CUTC: variants seen among roughly 807,000 people sequenced by gnomAD.
CUTC encodes the protein cutC copper transporter.
A neutral mutation model predicts 36.2 loss-of-function variants in CUTC; 27 were observed. That is an observed-to-expected ratio of 0.75 (90% CI 0.55 to 1.03). The LOEUF (loss-of-function observed/expected upper bound fraction) is 1.03, where lower values mean the gene tolerates loss of function less well. Among genes scored for constraint, CUTC ranks in the 50% least tolerant of loss-of-function variants. The pLI is 0.00. For synonymous variants in CUTC, 114 were observed against 118.3 expected, an observed-to-expected ratio of 0.96 and a Z score of 0.24; for missense variants, 315 against 343.5, an observed-to-expected ratio of 0.92 and a Z score of 0.66.
Position 99,732,390 on chromosome 10 carries a change from G to A in CUTC, c.42G>A (p.Arg14=). Residue 14 remains arginine, a synonymous_variant, in exon 1 of 9, where the codon CGG becomes CGA. Transcript: ENST00000370476. ...CCTCCTCTGAGCGAAAACGAGCGCGGATACCGTCCGGGAAGGCCGGTGCGG... is the reference window on the plus strand; with the variant it reads ...CCTCCTCTGAGCGAAAACGAGCGCGAATACCGTCCGGGAAGGCCGGTGCGG... The part of the protein sequence containing the change: ...QGASSERKRA[R]IPSGKAGAAN... 2 of 1,552,686 alleles carry A rather than the reference G, an allele frequency of 1.3e-6. No homozygotes were observed. The highest frequency in any genetic ancestry group is 8.7e-7 in the Non-Finnish European group (1 of 1,147,932).
intron 1 of CUTC, among the ~76,000 whole-genome samples, chr10:99,734,123 G>A (rs954646068): frequency 6.9e-6 from 1 of 145,700 alleles, no homozygotes; most frequent in African/African-American, 2.6e-5. Flanking sequence ...AGGCTGGAGT[G>A]CAGTGGCCTG....
intron 7 of CUTC, among the ~76,000 whole-genome samples, chr10:99,750,846 T>G (rs1373482429): frequency 1.3e-5 from 2 of 152,170 alleles, no homozygotes; most frequent in African/African-American, 4.8e-5. Context: ...TGAAAATCTC[T>G]GATTGCCAAA....
chr10:99,746,206 T>C (rs188736263), intron 5 of CUTC, among the ~76,000 whole-genome samples: 107 of 152,344 alleles, frequency 7.0e-4, no homozygotes, highest in African/African-American at 2.5e-3. Flanking sequence ...TCATGTCCTT[T>C]GCAGAGGCAT....
chr10:99,737,531 A>T (rs1209982169), intron 2 of CUTC, among the ~76,000 whole-genome samples: 4 of 152,094 alleles, frequency 2.6e-5, no homozygotes, highest in Admixed American at 2.0e-4. Flanking sequence ...TGTTTTGGGG[A>T]TGATGAAAAT....
At chr10:99,738,199 T>C (rs1366658776) in intron 2 of CUTC, among the ~76,000 whole-genome samples, 1 of 152,134 alleles carries the variant, frequency 6.6e-6, no homozygotes, top group Non-Finnish European at 1.5e-5. Flanking sequence ...TTTATTGTTT[T>C]CAAAGGCCTA....
In CUTC at chr10:99,739,721, A is replaced by G; in HGVS notation, c.145A>G (p.Ile49Val). The G allele has an allele frequency of 6.2e-7, 1 of 1,611,120 alleles. No individual in the cohort carries two copies. The highest frequency in any genetic ancestry group is 2.2e-5 in the East Asian group (1 of 44,652). Residue 49 changes from isoleucine to valine, a missense_variant, in exon 3 of 9, where the codon ATT becomes GTT. Transcript: ENST00000370476. ...VNAERGGADRIELCSGLSEGG... is the reference protein window; with the variant it reads ...VNAERGGADRVELCSGLSEGG... The stretch of plus-strand genomic sequence containing the variant: ...CTTTTATATTACAGGTGCTGATCGG[A>G]TTGAATTATGTTCTGGTTTATCAGA...
chr10:99,733,294 G>T (rs1590114924), intron 1 of CUTC, among the ~76,000 whole-genome samples: 1 of 152,078 alleles, frequency 6.6e-6, no homozygotes, highest in Non-Finnish European at 1.5e-5. Flanking sequence ...GGGCGACAGA[G>T]CGAGACTCCG....
rs150423858 is a variant in CUTC, at chr10:99,747,236, C to T, written c.440-21C>T. ...GTTAGAGATACCTGTTCAAAATTCA[C>T]ATCAGTTTTATTTATTTCAGCCTTT... On this transcript the variant is annotated intron_variant, in intron 5 of 8. Coordinates refer to ENST00000370476, the MANE Select transcript of CUTC (RefSeq NM_015960.3). 2.1e-4 allele frequency: 335 copies of T among 1,611,796 alleles called. 1 individual carries two copies. In the East Asian group the frequency reaches 7.2e-3, roughly 35 times the overall value.
intron 5 of CUTC, 92 bp from the exon 6 acceptor site, chr10:99,747,165 G>A: frequency 7.2e-7 from 1 of 1,398,316 alleles, no homozygotes; most frequent in Non-Finnish European, 9.8e-7. Flanking sequence ...GTACAAGCTA[G>A]GTCCAGCATG....
intron 5 of CUTC, among the ~76,000 whole-genome samples, chr10:99,746,997 C>T (rs909444639): frequency 1.3e-5 from 2 of 151,974 alleles, no homozygotes; most frequent in Non-Finnish European, 2.9e-5. Context: ...CAAACTCCTG[C>T]GCTCAAGTGA....
Position 99,752,155 on chromosome 10 carries a change from A to G in CUTC, c.601+1759A>G, listed in dbSNP as rs74152749. 1.3e-3 allele frequency among the ~76,000 whole-genome samples: 195 copies of G among 152,294 alleles called. 1 individual carries two copies. Among genetic ancestry groups the G allele is most frequent in the African/African-American group, 4.6e-3 (191 of 41,570 alleles). Reference sequence around the variant, plus strand: ...CAGCGTTCAAAATAGTGACACCTAGATAAAGAGTAACTTTTAAAAAGAGGC... The same window carrying G: ...CAGCGTTCAAAATAGTGACACCTAGGTAAAGAGTAACTTTTAAAAAGAGGC... On this transcript the variant is annotated intron_variant, in intron 7 of 8. Coordinates refer to ENST00000370476, the MANE Select transcript of CUTC (RefSeq NM_015960.3).
At chr10:99,752,035 CTTCATGGGTGA>C (rs2037423192) in intron 7 of CUTC, among the ~76,000 whole-genome samples, 1 of 152,096 alleles carries the variant, frequency 6.6e-6, no homozygotes, top group African/African-American at 2.4e-5. Context: ...GGTCAGAATA[CTTCATGGGTGA>C]TTCTGCATAC....
chr10:99,742,880 T>C (rs1225153881), intron 3 of CUTC, among the ~76,000 whole-genome samples: 3 of 152,200 alleles, frequency 2.0e-5, no homozygotes, highest in East Asian at 1.9e-4. Context: ...CTGGTAGTTA[T>C]TGCACTTTCA....
intron 5 of CUTC, among the ~76,000 whole-genome samples, chr10:99,744,481 C>A (rs1482478436): frequency 6.6e-6 from 1 of 152,104 alleles, no homozygotes; most frequent in African/African-American, 2.4e-5. Context: ...CCAGGCAAAA[C>A]CATCCCTGGG....
At chr10:99,732,690 C>T in intron 1 of CUTC, 1 of 1,257,616 alleles carries the variant, frequency 8.0e-7, no homozygotes, top group Non-Finnish European at 1.0e-6. Context: ...TTCAGCTTCA[C>T]GTTTTTTCCG....
intron 1 of CUTC, among the ~76,000 whole-genome samples, chr10:99,733,917 T>G (rs547972361): frequency 6.6e-6 from 1 of 151,966 alleles, no homozygotes; most frequent in Non-Finnish European, 1.5e-5. Flanking sequence ...AGGCAAATAG[T>G]CCCCCGGCAG....
At chr10:99,744,158 A>G (rs920043007) in intron 5 of CUTC, 86 bp downstream of exon 5, 9 of 1,085,970 alleles carry the variant, frequency 8.3e-6, no homozygotes, top group Admixed American at 1.9e-5. Context: ...ATGGAACACA[A>G]TTCTGTAGTG....
In CUTC at chr10:99,736,291, A is replaced by C; in HGVS notation, c.107A>C (p.Glu36Ala). 6.2e-7 allele frequency: 1 copy of C among 1,613,832 alleles called. No individual in the cohort carries two copies. The highest frequency in any genetic ancestry group is 8.5e-7 in the Non-Finnish European group (1 of 1,179,792). ...FLMEVCVDSV[E>A]SAVNAERGGA... Reference sequence around the variant, plus strand: ...ATGGAAGTTTGTGTTGATTCAGTGGAATCAGCTGTGAATGCAGAAAGAGGA... The same window carrying C: ...ATGGAAGTTTGTGTTGATTCAGTGGCATCAGCTGTGAATGCAGAAAGAGGA... Residue 36 changes from glutamate to alanine, a missense_variant, in exon 2 of 9, where the codon GAA becomes GCA. By Grantham distance (107) the Glu-to-Ala change is moderately radical (BLOSUM62 -1). Transcript: ENST00000370476.
intron 3 of CUTC, among the ~76,000 whole-genome samples, chr10:99,741,094 A>AT (rs1453942493): frequency 1.3e-5 from 2 of 152,034 alleles, no homozygotes; most frequent in African/African-American, 4.8e-5. Flanking sequence ...CTGCCTTGTA[A>AT]TTTTTTATTG....
Sources: allele counts gnomAD v4.1 joint callset (sites outside exome capture counted in the v4.1 genomes callset), GRCh38; gene constraint gnomAD v4.1.1; transcripts MANE v1.5; gene names NCBI Gene and HGNC (gene_info 2026-07-23, HGNC 2026-07-21).